The following LARS2 variants were observed in gnomAD, a reference collection of about 807,000 sequenced individuals.
The protein encoded by LARS2 is leucyl-tRNA synthetase 2, mitochondrial.
LARS2 carries 81 observed loss-of-function variants against 116.6 expected under a neutral mutation model. That is an observed-to-expected ratio of 0.69 (90% CI 0.58 to 0.84). LARS2 has a LOEUF of 0.84. Among genes scored for constraint, LARS2 ranks in the 40% least tolerant of loss-of-function variants. The pLI is 0.00. For synonymous variants in LARS2, 396 were observed against 407.2 expected (o/e 0.97, Z 0.33); for missense variants, 968 against 1,114.5 (o/e 0.87, Z 1.87).
At chr3:45,518,106 G>C in intron 18 of LARS2, 34 bp downstream of exon 18, 1 of 1,561,506 alleles carries the variant, frequency 6.4e-7, no homozygotes, top group Non-Finnish European at 8.7e-7. Context: ...GGTTAACTCT[G>C]TAACCAAGCA....
intron 10 of LARS2, among the ~76,000 whole-genome samples, chr3:45,483,566 T>C (rs1274243650): frequency 6.6e-6 from 1 of 152,102 alleles, no homozygotes; most frequent in South Asian, 2.1e-4. Context: ...CCAGAATTGC[T>C]TGAACCTGGG....
In LARS2 at chr3:45,547,926, G is replaced by A. The variant is rs117187571; in HGVS notation, c.*396G>A. 5.9e-4 allele frequency: 95 copies of A among 160,722 alleles called. 2 individuals are homozygous for A. In the East Asian group the frequency reaches 0.016, roughly 28 times the overall value. 10.0% of individuals were successfully genotyped at this position (160,722 alleles called of 1,614,324 possible). A position where few individuals can be genotyped will look rare whatever the true frequency, so the allele number is the denominator to read the frequency against. On this transcript the variant is annotated 3_prime_UTR_variant, in exon 22 of 22. Transcript: ENST00000645846. ...AATGGCTCTGCCTTAGGCACTTCTC[G>A]GGAATTTGAGGCCAGCCTGAGGAAC...
intron 7 of LARS2, among the ~76,000 whole-genome samples, chr3:45,452,384 AT>A (rs34625109): frequency 0.33 from 48,407 of 146,544 alleles, 7,997 homozygotes; most frequent in Middle Eastern, 0.46. Context: ...TTGTTGAGGT[AT>A]TTTTTTTTTT....
At chr3:45,500,153 C>T (rs553559169) in intron 14 of LARS2, among the ~76,000 whole-genome samples, 1 of 152,242 alleles carries the variant, frequency 6.6e-6, no homozygotes, top group East Asian at 1.9e-4. Flanking sequence ...AGGTGCCCAC[C>T]ACTACAACTG....
chr3:45,526,160 G>A (rs1032374128), intron 20 of LARS2, among the ~76,000 whole-genome samples: 3 of 152,202 alleles, frequency 2.0e-5, no homozygotes, highest in Non-Finnish European at 4.4e-5. Flanking sequence ...GAATCTTTAA[G>A]GGAGACAATT....
intron 7 of LARS2, among the ~76,000 whole-genome samples, chr3:45,449,136 A>C (rs2125705531): frequency 6.7e-6 from 1 of 150,316 alleles, no homozygotes; most frequent in East Asian, 1.9e-4. Context: ...GGGAGGGAGC[A>C]AGGGGAAGCT....
At chr3:45,539,413 T>C (rs111810139) in intron 20 of LARS2, among the ~76,000 whole-genome samples, 7,311 of 152,258 alleles carry the variant, frequency 0.048, 181 homozygotes, top group Middle Eastern at 0.085. Context: ...GGCGGATCGC[T>C]TGAGGCCAGG....
intron 7 of LARS2, among the ~76,000 whole-genome samples, chr3:45,453,408 G>C (rs1699166542): frequency 6.6e-6 from 1 of 152,230 alleles, no homozygotes; most frequent in Non-Finnish European, 1.5e-5. Flanking sequence ...TCTAGGGAAT[G>C]AGGGCGAGTC....
chr3:45,411,033 A>T (rs1000774507), intron 4 of LARS2, among the ~76,000 whole-genome samples: 5 of 152,192 alleles, frequency 3.3e-5, no homozygotes, highest in African/African-American at 1.2e-4. Flanking sequence ...CATAGAATAG[A>T]TATACTCAGG....
At chr3:45,486,533 C>T (rs1243009968) in intron 11 of LARS2, among the ~76,000 whole-genome samples, 2 of 152,154 alleles carry the variant, frequency 1.3e-5, no homozygotes, top group African/African-American at 4.8e-5. Flanking sequence ...CCCCAGAGTC[C>T]CGAAACCTTG....
chr3:45,517,817 A>C, intron 17 of LARS2, 86 bp from the exon 18 acceptor site: 1 of 1,038,286 alleles, frequency 9.6e-7, no homozygotes, highest in Non-Finnish European at 1.4e-6. Flanking sequence ...ATCAATTCAC[A>C]GGTGTTTTTC....
Position 45,547,589 on chromosome 3 carries a change from A to AT in LARS2, c.*60dup. ...TGAGGAACCTCCTTCCAGGCCTGGG[A>AT]TGAGGGGGCGATGTCTGCTGGCCCA... is the stretch of plus-strand genomic sequence containing the variant. On this transcript the variant is annotated 3_prime_UTR_variant, in exon 22 of 22. Transcript: ENST00000645846. 2 of 1,458,136 alleles carry AT rather than the reference A, an allele frequency of 1.4e-6. No homozygotes were observed. The highest frequency in any genetic ancestry group is 1.9e-6 in the Non-Finnish European group (2 of 1,070,568). 90.3% of individuals were successfully genotyped at this position (1,458,136 alleles called of 1,614,324 possible).
chr3:45,415,193 T>G (rs929080472), intron 4 of LARS2, among the ~76,000 whole-genome samples: 4 of 152,192 alleles, frequency 2.6e-5, no homozygotes, highest in African/African-American at 9.7e-5. Flanking sequence ...CCACAGTTGC[T>G]TGAACAGTCA....
chr3:45,539,490 G>T (rs933218796), intron 20 of LARS2, among the ~76,000 whole-genome samples: 2 of 152,122 alleles, frequency 1.3e-5, no homozygotes, highest in Non-Finnish European at 2.9e-5. Flanking sequence ...AATTAGCCAG[G>T]CGTGGTGGTG....
At chr3:45,474,161 A>G in intron 8 of LARS2, 82 bp from the exon 9 acceptor site, 1 of 830,234 alleles carries the variant, frequency 1.2e-6, no homozygotes, top group Non-Finnish European at 2.0e-6. Flanking sequence ...TGCTTTTCCT[A>G]CCTTAACAAG....
chr3:45,503,056 T>A (rs139217369), intron 15 of LARS2, among the ~76,000 whole-genome samples: 1,693 of 150,380 alleles, frequency 0.011, 46 homozygotes, highest in African/African-American at 0.038. Context: ...TCTTGAACCC[T>A]TTTTTTTTTG....
chr3:45,427,825 CTTTTTTT>C (rs11456888), intron 6 of LARS2, among the ~76,000 whole-genome samples: 1 of 141,754 alleles, frequency 7.1e-6, no homozygotes, highest in Non-Finnish European at 1.5e-5. Context: ...CCTTTTTTTT[CTTTTTTT>C]TTTTTTGAGG....
chr3:45,539,075 A>G (rs1700752400), intron 20 of LARS2, among the ~76,000 whole-genome samples: 1 of 152,246 alleles, frequency 6.6e-6, no homozygotes, highest in South Asian at 2.1e-4. Context: ...ACAAACCAAT[A>G]GGGAAGGGAA....
chr3:45,436,302 G>C (rs1318916694), intron 6 of LARS2, among the ~76,000 whole-genome samples: 1 of 150,546 alleles, frequency 6.6e-6, no homozygotes, highest in African/African-American at 2.5e-5. Flanking sequence ...TGTTGATCCT[G>C]AAATTTTAAA....
Sources: allele counts gnomAD v4.1 joint callset (sites outside exome capture counted in the v4.1 genomes callset), GRCh38; gene constraint gnomAD v4.1.1; transcripts MANE v1.5; gene names NCBI Gene and HGNC (gene_info 2026-07-23, HGNC 2026-07-21).